Variants in NCR1 observed in about 807,000 individuals in gnomAD.
NCR1 encodes the protein NK cell-activating receptor.
In NCR1, 30 loss-of-function variants were observed where a neutral mutation model predicts 32.5. That is an observed-to-expected ratio of 0.92 (90% confidence interval 0.69 to 1.25). The LOEUF (loss-of-function observed/expected upper bound fraction) is 1.25. Among genes scored for constraint, NCR1 ranks in the 50% most tolerant of loss-of-function variants. The pLI is 0.00. For synonymous variants in NCR1, 169 were observed against 143.4 expected (o/e 1.18, Z -1.28); for missense variants, 369 against 380.7 (o/e 0.97, Z 0.26).
At chr19:54,922,582 A>G in the NCR1 span, among the ~76,000 whole-genome samples, 1 of 151,964 alleles carries the variant, frequency 6.6e-6, no homozygotes, top group Non-Finnish European at 1.5e-5. Flanking sequence ...GTCCGAGAAC[A>G]GCCTGGCCAA....
chr19:54,905,332 C>T (rs180937153), upstream of NCR1, among the ~76,000 whole-genome samples: 62 of 151,620 alleles, frequency 4.1e-4, 1 homozygote, highest in African/African-American at 1.4e-3. Context: ...TCAGAGAGAC[C>T]GAGGGGTTGA....
the NCR1 span, among the ~76,000 whole-genome samples, chr19:54,925,699 G>A: frequency 1.3e-3 from 191 of 152,088 alleles, no homozygotes; most frequent in Non-Finnish European, 5.4e-4. Context: ...GGTAGATTAC[G>A]TTAAAATAAG....
At chr19:54,929,041 G>C in the NCR1 span, among the ~76,000 whole-genome samples, 1 of 152,140 alleles carries the variant, frequency 6.6e-6, no homozygotes, top group African/African-American at 2.4e-5. Flanking sequence ...GGTCTGGCTT[G>C]AGGCTTGAAA....
chr19:54,923,405 C>A, the NCR1 span: 1 of 393,766 alleles, frequency 2.5e-6, no homozygotes, highest in East Asian at 6.0e-5. Context: ...ATAGAAGAAT[C>A]AACCGAATCA....
chr19:54,909,987 C>G (rs1255464353), intron 4 of NCR1, 31 bp from the exon 5 acceptor site: 1 of 1,590,570 alleles, frequency 6.3e-7, no homozygotes, highest in Admixed American at 1.7e-5. Flanking sequence ...ACCAAAAACC[C>G]TTACTTTTTT....
At chr19:54,936,180 G>GT in the NCR1 span, 1 of 1,295,498 alleles carries the variant, frequency 7.7e-7, no homozygotes, top group South Asian at 1.2e-5. Flanking sequence ...ATCTGGAGTG[G>GT]TTACCCTTTT....
At chr19:54,933,451 T>G in the NCR1 span, 1 of 1,334,922 alleles carries the variant, frequency 7.5e-7, no homozygotes, top group Non-Finnish European at 1.1e-6. Context: ...GGCCTCTGCC[T>G]GTTCTTTAAT....
At chr19:54,931,672 C>T in the NCR1 span, among the ~76,000 whole-genome samples, 3 of 67,798 alleles carry the variant, frequency 4.4e-5, no homozygotes, top group East Asian at 5.1e-4. Context: ...TGGGCAAGAG[C>T]GAAACTCCAT....
chr19:54,933,849 C>A, the NCR1 span: 1 of 936,748 alleles, frequency 1.1e-6, no homozygotes, highest in Non-Finnish European at 1.7e-6. Context: ...TCCTGTTCAT[C>A]CCCTGCCCTC....
intron 3 of NCR1, 42 bp downstream of exon 3, chr19:54,906,849 C>A (rs370915431): frequency 1.9e-4 from 311 of 1,602,280 alleles, no homozygotes; most frequent in Non-Finnish European, 2.4e-4. Flanking sequence ...TCTCAGTCTG[C>A]ATCCGGGATG....
intron 3 of NCR1, among the ~76,000 whole-genome samples, chr19:54,908,702 C>G (rs893544200): frequency 1.4e-5 from 2 of 143,446 alleles, no homozygotes; most frequent in Admixed American, 7.2e-5. Flanking sequence ...GTGGTACAAT[C>G]TCAGCTCACT....
the NCR1 span, among the ~76,000 whole-genome samples, chr19:54,933,368 A>G: frequency 6.6e-6 from 1 of 152,120 alleles, no homozygotes; most frequent in Non-Finnish European, 1.5e-5. Context: ...GATGGTCTCC[A>G]TCTCCTGACC....
At chr19:54,903,321 T>C (rs587737724), upstream of NCR1, among the ~76,000 whole-genome samples, 47 of 129,968 alleles carry the variant, frequency 3.6e-4, 2 homozygotes, top group East Asian at 8.7e-3. Flanking sequence ...TACATACATG[T>C]ATATATACAT....
chr19:54,920,061 G>C (rs2068218343), downstream of NCR1, among the ~76,000 whole-genome samples: 1 of 152,152 alleles, frequency 6.6e-6, no homozygotes, highest in African/African-American at 2.4e-5. Flanking sequence ...TCATATCTAA[G>C]ATCTATATCT....
the NCR1 span, among the ~76,000 whole-genome samples, chr19:54,931,418 G>A: frequency 6.6e-6 from 1 of 152,048 alleles, no homozygotes; most frequent in Non-Finnish European, 1.5e-5. Context: ...AGCTGGGCAC[G>A]ATGGCTCACA....
At chr19:54,936,413 A>G in the NCR1 span, 13 of 1,614,108 alleles carry the variant, frequency 8.1e-6, no homozygotes, top group East Asian at 2.9e-4. Context: ...ACGCGGTGTC[A>G]GGGGTGACGT....
chr19:54,936,747 T>C, the NCR1 span, among the ~76,000 whole-genome samples: 125 of 151,998 alleles, frequency 8.2e-4, no homozygotes, highest in Non-Finnish European at 1.5e-3. Flanking sequence ...AAGCCCCGTC[T>C]CTACTAAAAA....
At chr19:54,927,800 C>T in the NCR1 span, 1 of 1,605,852 alleles carries the variant, frequency 6.2e-7, no homozygotes, top group Non-Finnish European at 8.5e-7. Context: ...CATGGAAATC[C>T]ACGCATTCAC....
the NCR1 span, among the ~76,000 whole-genome samples, chr19:54,936,691 G>A: frequency 6.6e-6 from 1 of 152,076 alleles, no homozygotes; most frequent in South Asian, 2.1e-4. Context: ...GAGGCAGGCA[G>A]ATCGCCTGAG....
Sources: gnomAD v4.1 joint callset for allele counts (sites outside exome capture counted in the v4.1 genomes callset) on GRCh38, gnomAD v4.1.1 for gene constraint, MANE v1.5 for transcripts, NCBI Gene and HGNC (gene_info 2026-07-23, HGNC 2026-07-21) for gene names.